Variants in RCN3 observed in about 807,000 individuals in gnomAD.
RCN3 encodes reticulocalbin 3.
Under a neutral mutation model 35.9 loss-of-function variants are expected in RCN3, and 41 were observed. The ratio of observed to expected loss-of-function variants is 1.14; its 90% CI spans 0.89 to 1.48. The LOEUF is 1.48. Among genes scored for constraint, RCN3 ranks in the 40% most tolerant of loss-of-function variants. The pLI, the probability that RCN3 is intolerant of heterozygous loss-of-function variation, is 0.00. For synonymous variants in RCN3, 187 were observed against 193.4 expected (o/e 0.97, Z 0.27); for missense variants, 451 against 471.3 (o/e 0.96, Z 0.40).
rs1001660000 is a variant in RCN3 at position 49,534,392 on chromosome 19, C to T, written c.442C>T (p.Pro148Ser). The change falls in exon 3 of 7, where the codon CCC becomes TCC. Residue 148 changes from proline to serine, a missense_variant. Transcript: ENST00000270645. ...CAACGCCACCTATGGCCACTACGCG[C>T]CCGGTACGCGGCGAGCCCCCGACCC... Reference protein sequence around the residue: ...LRNATYGHYAPGEEFHDVEDA... With the variant: ...LRNATYGHYASGEEFHDVEDA... The T allele has an allele frequency of 1.3e-6, 2 of 1,538,266 alleles. No individual in the cohort carries two copies. The highest frequency in any genetic ancestry group is 2.5e-5 in the East Asian group (1 of 40,106).
chr19:49,541,012 C>T (rs1030444490), intron 5 of RCN3, among the ~76,000 whole-genome samples: 4 of 151,650 alleles, frequency 2.6e-5, no homozygotes, highest in Non-Finnish European at 5.9e-5. Flanking sequence ...CTCACTGCAA[C>T]CTCCGCCTCC....
At chr19:49,539,232 C>A (rs1345534711) in intron 5 of RCN3, 53 bp downstream of exon 5, 10 of 1,480,832 alleles carry the variant, frequency 6.8e-6, no homozygotes, top group Non-Finnish European at 5.6e-6. Flanking sequence ...CAGGCATGGG[C>A]AGGGTTGGTG....
rs58279194 is a variant in RCN3, at chr19:49,534,848, C to T, written c.445+453C>T. ...AGGACACCTACTTTCCATGCCTTGTCATCCTGACCCCTAACTTCTGTGACC... is the reference window on the plus strand; with the variant it reads ...AGGACACCTACTTTCCATGCCTTGTTATCCTGACCCCTAACTTCTGTGACC... On this transcript the variant is annotated intron_variant, in intron 3 of 6. Transcript: ENST00000270645. Among the ~76,000 whole-genome samples, 4 of 152,208 alleles carry T rather than the reference C, an allele frequency of 2.6e-5. No individual in the cohort carries two copies. The East Asian group carries it at 5.8e-4, about 22-fold the overall frequency.
intron 4 of RCN3, 84 bp from the exon 5 acceptor site, chr19:49,539,035 C>T: frequency 1.1e-6 from 1 of 946,768 alleles, no homozygotes; most frequent in East Asian, 2.6e-5. Flanking sequence ...TCCAAGAGAA[C>T]CTCTCACTCT....
intron 2 of RCN3, among the ~76,000 whole-genome samples, chr19:49,529,026 A>G (rs1038026659): frequency 5.4e-4 from 82 of 152,058 alleles, no homozygotes; most frequent in Non-Finnish European, 2.8e-4. Flanking sequence ...TACTAAAAAT[A>G]CAAAATTAGG....
chr19:49,528,773 G>T (rs1299934504), intron 2 of RCN3, 59 bp downstream of exon 2: 1 of 1,456,726 alleles, frequency 6.9e-7, no homozygotes, highest in Non-Finnish European at 9.1e-7. Flanking sequence ...AGAGACGCGG[G>T]GGTATCGACA....
intron 4 of RCN3, among the ~76,000 whole-genome samples, chr19:49,537,914 C>T (rs1274528996): frequency 2.0e-5 from 3 of 151,292 alleles, no homozygotes; most frequent in African/African-American, 4.9e-5. Context: ...GCTGGGATTA[C>T]AGGCATGAGC....
rs749620445 is a variant in RCN3, at chr19:49,543,194, G to A, written c.968G>A (p.Arg323Gln). The change falls in exon 7 of 7, where the codon CGG becomes CAG. Residue 323 changes from arginine to glutamine, a missense_variant. By Grantham distance (43) the Arg-to-Gln change is conservative. Coordinates refer to ENST00000270645, the MANE Select transcript of RCN3 (RefSeq NM_020650.3). ...QATNYGEDLT[R>Q]HHDEL The stretch of plus-strand genomic sequence containing the variant: ...ACCAACTATGGCGAGGACCTGACCC[G>A]GCACCACGATGAGCTGTGAGCACCG... 1.1e-5 allele frequency: 18 copies of A among 1,613,204 alleles called. No individual in the cohort carries two copies. Among genetic ancestry groups the A allele is most frequent in the Non-Finnish European group, 1.4e-5 (16 of 1,179,600 alleles).
rs752053017 is a variant in RCN3, at chr19:49,542,574, C to A, written c.701C>A (p.Pro234His). Residue 234 changes from proline (P) to histidine (H), a missense_variant, in exon 6 of 7, where the codon CCT becomes CAT. Transcript: ENST00000270645. ...EYIADLYSAEPGEEEPAWVQT... is the reference protein window; with the variant it reads ...EYIADLYSAEHGEEEPAWVQT... The stretch of plus-strand genomic sequence containing the variant: ...CCAGCGGATCTGTACTCAGCCGAGC[C>A]TGGGGAGGAGGAGCCGGCGTGGGTG... The A allele has an allele frequency of 5.0e-6, 8 of 1,604,794 alleles. No individual in the cohort carries two copies. The highest frequency in any genetic ancestry group is 6.0e-6 in the Non-Finnish European group (7 of 1,176,348).
At chr19:49,530,788 A>G (rs74255083) in intron 2 of RCN3, among the ~76,000 whole-genome samples, 17,718 of 152,028 alleles carry the variant, frequency 0.12, 1,255 homozygotes, top group East Asian at 0.18. Flanking sequence ...GAGCCACCGC[A>G]CCCGGCTGGA....
intron 5 of RCN3, among the ~76,000 whole-genome samples, 187 bp downstream of exon 5, chr19:49,539,366 G>A (rs1014718789): frequency 1.3e-5 from 2 of 152,108 alleles, no homozygotes; most frequent in Non-Finnish European, 2.9e-5. Context: ...CTCTATACCA[G>A]ACACAAAAAG....
At chr19:49,536,337 G>C (rs115372502) in intron 3 of RCN3, among the ~76,000 whole-genome samples, 1,963 of 105,668 alleles carry the variant, frequency 0.019, 56 homozygotes, top group African/African-American at 0.069. Flanking sequence ...TTTCACTCTT[G>C]TTGGCCAGGC....
At chr19:49,535,906 A>G (rs900682133) in intron 3 of RCN3, among the ~76,000 whole-genome samples, 1 of 149,114 alleles carries the variant, frequency 6.7e-6, no homozygotes, top group African/African-American at 2.4e-5. Flanking sequence ...AGATATAGAT[A>G]TACACACACA....
intron 2 of RCN3, among the ~76,000 whole-genome samples, chr19:49,531,970 T>A (rs1038035892): frequency 6.7e-6 from 1 of 149,548 alleles, no homozygotes; most frequent in Non-Finnish European, 1.5e-5. Flanking sequence ...CCAGCTAATT[T>A]TTTTGTATTT....
At chr19:49,530,316 C>T (rs926974098) in intron 2 of RCN3, among the ~76,000 whole-genome samples, 9 of 149,354 alleles carry the variant, frequency 6.0e-5, no homozygotes, top group Non-Finnish European at 1.0e-4. Context: ...CACGCCCACA[C>T]GCCCAGCTAA....
In RCN3 at chr19:49,536,408, C is replaced by A. The variant is rs201331650; in HGVS notation, c.446-625C>A. Reference sequence around the variant, plus strand: ...CTCATCCTCCTGGGTTCAAGCAATTCTCCTGCCTCAGCCTCACGAGTAGCT... The same window carrying A: ...CTCATCCTCCTGGGTTCAAGCAATTATCCTGCCTCAGCCTCACGAGTAGCT... On this transcript the variant is annotated intron_variant, in intron 3 of 6. Coordinates refer to ENST00000270645, the MANE Select transcript of RCN3 (RefSeq NM_020650.3). Among the ~76,000 whole-genome samples, 5 of 143,716 alleles carry A rather than the reference C, an allele frequency of 3.5e-5. No homozygotes were observed. The East Asian group carries it at 1.1e-3, about 31-fold the overall frequency. 94.3% of individuals were successfully genotyped at this position (143,716 alleles called of 152,430 possible). A position where few individuals can be genotyped will look rare whatever the true frequency, so the allele number is the denominator to read the frequency against.
rs189572054 is a variant in RCN3 at position 49,537,421 on chromosome 19, C to T, written c.618+216C>T. Among the ~76,000 whole-genome samples, 106 of 152,278 alleles carry T rather than the reference C, an allele frequency of 7.0e-4. 3 individuals are homozygous for T. The highest frequency in any genetic ancestry group is 6.7e-3 in the Admixed American group (103 of 15,292). On this transcript the variant is annotated intron_variant, in intron 4 of 6. Coordinates refer to ENST00000270645, the MANE Select transcript of RCN3 (RefSeq NM_020650.3). ...GGGGTCTGATCTCTCCTCGTCTGGC[C>T]TTCCCCTCCCTGTGCTCGCATTTGG...
chr19:49,528,612 A>T lies in RCN3; in HGVS notation c.140A>T (p.Asp47Val). ...CCCCTGAGCGACGCTCCCCATGATG[A>T]CGCCCACGGGAACTTCCAGTACGAC... Reference protein sequence around the residue: ...AAPLSDAPHDDAHGNFQYDHE... With the variant: ...AAPLSDAPHDVAHGNFQYDHE... Residue 47 changes from aspartate to valine, a missense_variant, in exon 2 of 7, where the codon GAC becomes GTC. Physicochemically the swap from Asp to Val is radical, Grantham distance 152. Transcript: ENST00000270645. 6.2e-7 allele frequency: 1 copy of T among 1,611,784 alleles called. No homozygotes were observed. The highest frequency in any genetic ancestry group is 8.5e-7 in the Non-Finnish European group (1 of 1,179,056).
intron 6 of RCN3, 137 bp from the exon 7 acceptor site, chr19:49,542,969 C>CAA (rs112443336): frequency 2.4e-6 from 2 of 846,488 alleles, no homozygotes; most frequent in Non-Finnish European, 3.8e-6. Flanking sequence ...GGGACCAAGA[C>CAA]GGGGACAGAT....
Sources: allele counts gnomAD v4.1 joint callset (sites outside exome capture counted in the v4.1 genomes callset), GRCh38; gene constraint gnomAD v4.1.1; transcripts MANE v1.5; gene names NCBI Gene and HGNC (gene_info 2026-07-23, HGNC 2026-07-21).